The following AP3D1 variants were observed in gnomAD, a reference collection of about 807,000 sequenced individuals.
AP3D1 encodes the protein adaptor related protein complex 3 subunit delta 1, also known as AP-3 complex subunit delta-1.
Under a neutral mutation model 147.6 loss-of-function variants are expected in AP3D1, and 51 were observed. The ratio of observed to expected loss-of-function variants is 0.35; its 90% CI spans 0.28 to 0.44. The LOEUF is 0.44. Among genes scored for constraint, AP3D1 ranks in the 20% least tolerant of loss-of-function variants. The probability of loss-of-function intolerance (pLI) is 1.00; values close to 1 mark genes in which losing one functional copy is unlikely to be tolerated. For missense variants in AP3D1, 1,421 were observed against 1,624.2 expected, an observed-to-expected ratio of 0.87 and a Z score of 2.15; for synonymous variants, 760 against 663.0, an observed-to-expected ratio of 1.15 and a Z score of -2.25.
intron 1 of AP3D1, among the ~76,000 whole-genome samples, chr19:2,139,704 C>T (rs1264214375): frequency 2.6e-5 from 4 of 152,232 alleles, no homozygotes; most frequent in African/African-American, 9.6e-5. Flanking sequence ...AGCCCCTCTC[C>T]ATCATCCGAC....
intron 11 of AP3D1, among the ~76,000 whole-genome samples, chr19:2,122,535 G>C (rs1476504120): frequency 6.6e-6 from 1 of 152,260 alleles, no homozygotes; most frequent in Non-Finnish European, 1.5e-5. Context: ...CACGGCGGGC[G>C]GTACTGAGAC....
intron 8 of AP3D1, among the ~76,000 whole-genome samples, chr19:2,128,585 GC>G (rs1159744580): frequency 0.031 from 1,217 of 39,738 alleles, 345 homozygotes; most frequent in Middle Eastern, 0.047. Flanking sequence ...GAGCCGGCCC[GC>G]CCCCGCCGCT....
chr19:2,118,437 C>T (rs1034901695), intron 15 of AP3D1, among the ~76,000 whole-genome samples, 164 bp downstream of exon 15: 1 of 152,224 alleles, frequency 6.6e-6, no homozygotes, highest in African/African-American at 2.4e-5. Flanking sequence ...ACCTCCAGGT[C>T]CCACTGACTA....
chr19:2,109,841 C>T (rs551478791), intron 29 of AP3D1, 32 bp downstream of exon 29: 38 of 1,604,128 alleles, frequency 2.4e-5, no homozygotes, highest in South Asian at 1.1e-4. Context: ...GGAGGGGGTT[C>T]GGGGACATAG....
chr19:2,148,592 G>A (rs974321877), intron 1 of AP3D1, among the ~76,000 whole-genome samples: 7 of 152,210 alleles, frequency 4.6e-5, no homozygotes, highest in African/African-American at 1.4e-4. Flanking sequence ...AGAAAACCGC[G>A]TGTCACTGCA....
At chr19:2,148,438 G>A in intron 1 of AP3D1, among the ~76,000 whole-genome samples, 1 of 152,208 alleles carries the variant, frequency 6.6e-6, no homozygotes, top group East Asian at 1.9e-4. Context: ...GTTACTGTAT[G>A]TGCCTGCACT....
chr19:2,133,086 C>T (rs1255772972), intron 4 of AP3D1, among the ~76,000 whole-genome samples: 3 of 152,216 alleles, frequency 2.0e-5, no homozygotes, highest in Non-Finnish European at 4.4e-5. Context: ...GCTTCCCTCA[C>T]GTATCACTGG....
At chr19:2,112,813 G>C (rs750914984) in intron 24 of AP3D1, 47 bp downstream of exon 24, 1 of 1,485,662 alleles carries the variant, frequency 6.7e-7, no homozygotes, top group African/African-American at 1.4e-5. Context: ...TTGGGGTGCT[G>C]GGGCTCATGC....
chr19:2,162,289 G>A (rs879578758), intron 1 of AP3D1, among the ~76,000 whole-genome samples: 2 of 149,324 alleles, frequency 1.3e-5, no homozygotes, highest in East Asian at 4.1e-4. Flanking sequence ...ACCCGCCTCG[G>A]CCTCCCAAAG....
intron 1 of AP3D1, chr19:2,164,318 C>T (rs2144621124): frequency 1.7e-6 from 2 of 1,203,404 alleles, no homozygotes; most frequent in East Asian, 6.4e-5. Context: ...CCTCCGCCGC[C>T]CCTGGGGACA....
At position 2,116,694 on chromosome 19, in the gene AP3D1, C is replaced by CCTCTGA; in HGVS notation, c.1906_1911dup (p.Ser636_Glu637dup). On this transcript the variant is annotated inframe_insertion, in exon 17 of 32. Transcript: ENST00000643116. ...TGGAAGACGGCCCTGGGCCTCTCGT[C>CCTCTGA]CTCTGACTCGCTGTCCGAGAGTGGC... 6.2e-7 allele frequency: 1 copy of CCTCTGA among 1,611,128 alleles called. No homozygotes were observed. Among genetic ancestry groups the CCTCTGA allele is most frequent in the Non-Finnish European group, 8.5e-7 (1 of 1,178,978 alleles).
chr19:2,146,203 C>T (rs778243890), intron 1 of AP3D1, among the ~76,000 whole-genome samples: 8 of 152,228 alleles, frequency 5.3e-5, no homozygotes, highest in Non-Finnish European at 1.2e-4. Flanking sequence ...AAAGCACACA[C>T]ACCTTAGGCA....
chr19:2,132,521 A>G lies in AP3D1; in HGVS notation c.412T>C (p.Phe138Leu). 6.2e-7 allele frequency: 1 copy of G among 1,611,918 alleles called. No homozygotes were observed. The highest frequency in any genetic ancestry group is 8.5e-7 in the Non-Finnish European group (1 of 1,178,232). ...TCTCTGGCAAGGTCTGGGGTGACGA[A>G]GCAGGACAGACCCGTCAGTGCAACA... ...TGVALTGLSC[F>L]VTPDLARDLA... The change falls in exon 5 of 32, where the codon TTC (phenylalanine) becomes CTC (leucine). Residue 138 changes from phenylalanine to leucine, a missense_variant. Physicochemically the swap from Phe to Leu is conservative, Grantham distance 22. Coordinates refer to ENST00000643116, the MANE Select transcript of AP3D1 (RefSeq NM_001261826.3).
upstream of AP3D1, among the ~76,000 whole-genome samples, chr19:2,155,885 T>C (rs1383898398): frequency 6.6e-6 from 1 of 151,718 alleles, no homozygotes; most frequent in East Asian, 1.9e-4. Context: ...ACACCATCTC[T>C]ACTAAAAATA....
chr19:2,129,222 C>T (rs2018863444), intron 7 of AP3D1, 59 bp from the exon 8 acceptor site: 1 of 1,607,630 alleles, frequency 6.2e-7, no homozygotes, highest in Admixed American at 1.7e-5. Flanking sequence ...GGGTGAGGGA[C>T]AGGGGGGGCC....
At chr19:2,113,219 T>A in intron 23 of AP3D1, 117 bp downstream of exon 23, 1 of 657,620 alleles carries the variant, frequency 1.5e-6, no homozygotes. Context: ...GTCCCACAGG[T>A]GCACGGTGCT....
rs139372938 is a variant in AP3D1 at position 2,110,333 on chromosome 19, T to A, written c.3176-109A>T. 5.7e-5 allele frequency: 53 copies of A among 935,326 alleles called. No individual in the cohort carries two copies. In the African/African-American group the frequency reaches 8.3e-4, roughly 15 times the overall value. The allele number at this position is 935,326 out of a possible 1,614,324, so 57.9% of individuals were successfully genotyped here. On this transcript the variant is annotated intron_variant, in intron 27 of 31. Coordinates refer to ENST00000643116, the MANE Select transcript of AP3D1 (RefSeq NM_001261826.3). ...AGTCCTCTGTGGCTGATTAGGAAAC[T>A]GAGCTCAGCCCCCAAGGGAGCACCA...
Position 2,162,682 on chromosome 19 carries a change from CAA to C in AP3D1, c.-103+1672_-103+1673del, listed in dbSNP as rs5826757. Among the ~76,000 whole-genome samples the C allele has an allele frequency of 4.1e-5, 6 of 148,102 alleles. No homozygotes were observed. In the Middle Eastern group the frequency reaches 0.01, roughly 255 times the overall value. Reference sequence around the variant, plus strand: ...GTGTCAAAAAACAAACCCCCCCACTCAAAAAAAAAACCCCAAAAAACAGTACA... The same window carrying C: ...GTGTCAAAAAACAAACCCCCCCACTCAAAAAAAACCCCAAAAAACAGTACA... On this transcript the variant is annotated intron_variant, in intron 1 of 14. Coordinates refer to the AP3D1 transcript ENST00000643010.
intron 1 of AP3D1, among the ~76,000 whole-genome samples, chr19:2,139,623 G>T (rs1285366142): frequency 6.6e-6 from 1 of 152,228 alleles, no homozygotes; most frequent in African/African-American, 2.4e-5. Context: ...AGGAGAGGAG[G>T]GAGCAGCAGA....
Sources: allele counts gnomAD v4.1 joint callset (sites outside exome capture counted in the v4.1 genomes callset), GRCh38; gene constraint gnomAD v4.1.1; transcripts MANE v1.5; gene names NCBI Gene and HGNC (gene_info 2026-07-23, HGNC 2026-07-21).